The following TYW1 variants were observed in gnomAD, a reference collection of about 807,000 sequenced individuals.
The protein encoded by TYW1 is tRNA-yW synthesizing protein 1 homolog.
A neutral mutation model predicts 96.2 loss-of-function variants in TYW1; 46 were observed. The observed-to-expected ratio is 0.48, with a 90% CI of 0.38 to 0.61. TYW1 has a LOEUF of 0.61. TYW1 is among the 20% of genes least tolerant of loss of function. The probability of loss-of-function intolerance (pLI) is 0.00; values close to 1 mark genes in which losing one functional copy is unlikely to be tolerated. For missense variants in TYW1, 684 were observed against 909.6 expected, an observed-to-expected ratio of 0.75 and a Z score of 3.19; for synonymous variants, 274 against 323.0, an observed-to-expected ratio of 0.85 and a Z score of 1.63.
chr7:67,166,266 C>T (rs567325983), intron 13 of TYW1, among the ~76,000 whole-genome samples: 70 of 141,188 alleles, frequency 5.0e-4, no homozygotes, highest in African/African-American at 1.6e-3. Flanking sequence ...AAAAAACAAA[C>T]GAAAAGACTT....
intron 7 of TYW1, among the ~76,000 whole-genome samples, chr7:67,034,319 T>C (rs1017150040): frequency 6.6e-6 from 1 of 151,930 alleles, no homozygotes. Flanking sequence ...TTGGCTGGGC[T>C]GATGTCCAGT....
Position 67,014,433 on chromosome 7 carries a change from G to T in TYW1, c.442G>T (p.Ala148Ser). 4.3e-6 allele frequency: 7 copies of T among 1,613,940 alleles called. No homozygotes were observed. The highest frequency in any genetic ancestry group is 5.9e-6 in the Non-Finnish European group (7 of 1,179,862). ...CACTGACGGCCTACCAACTGAAAGT[G>T]CAGAGTGGTTCTGCAAATGGTTAGA... ...TYTDGLPTESAEWFCKWLEEA... is the reference protein window; with the variant it reads ...TYTDGLPTESSEWFCKWLEEA... Residue 148 changes from alanine to serine, a missense_variant, in exon 5 of 16, where the codon GCA becomes TCA. Physicochemically the swap from Ala to Ser is moderately conservative, Grantham distance 99. Coordinates refer to ENST00000359626, the MANE Select transcript of TYW1 (RefSeq NM_018264.4).
chr7:67,133,774 TTAA>T (rs1479180628), intron 13 of TYW1, among the ~76,000 whole-genome samples: 1 of 151,146 alleles, frequency 6.6e-6, no homozygotes, highest in African/African-American at 2.4e-5. Flanking sequence ...GGCCATGTCT[TTAA>T]TAGCCTTTCC....
chr7:67,200,460 C>T (rs76186730), intron 15 of TYW1, among the ~76,000 whole-genome samples: 5,987 of 152,072 alleles, frequency 0.039, 173 homozygotes, highest in Middle Eastern at 0.095. Context: ...GAGGGCCAAG[C>T]GAAAGAGGAA....
At position 67,098,687 on chromosome 7, in the gene TYW1, G is replaced by A. The variant is rs769444046; in HGVS notation, c.1531G>A (p.Val511Ile). ...LHQCKISSFL[V>I]TNAQFPAEIR... ...CCAGTGTAAAATTTCCAGCTTCCTG[G>A]TCACAAACGCACAATTTCCTGCGGA... The change falls in exon 12 of 16, where the codon GTC (valine) becomes ATC (isoleucine). Residue 511 changes from valine to isoleucine, a missense_variant. Transcript: ENST00000359626. The A allele has an allele frequency of 1.2e-6, 2 of 1,614,076 alleles. No homozygotes were observed. Among genetic ancestry groups the A allele is most frequent in the Non-Finnish European group, 1.7e-6 (2 of 1,179,952 alleles).
chr7:67,089,407 A>C (rs1371508918), intron 11 of TYW1: 2 of 1,258,204 alleles, frequency 1.6e-6, no homozygotes, highest in Non-Finnish European at 2.3e-6. Context: ...CCTGCTGGTA[A>C]AGGTCGAAGC....
chr7:67,072,963 T>TTG (rs1219374462), intron 10 of TYW1, among the ~76,000 whole-genome samples: 11,122 of 118,444 alleles, frequency 0.094, 1,203 homozygotes, highest in Non-Finnish European at 0.11. Context: ...TTTTTTTTTT[T>TTG]TATAGAGACA....
chr7:67,148,700 G>A (rs1383800908), intron 13 of TYW1, among the ~76,000 whole-genome samples: 6 of 152,034 alleles, frequency 3.9e-5, no homozygotes, highest in Non-Finnish European at 5.9e-5. Flanking sequence ...CAAAATGCTG[G>A]GATTACAGGC....
chr7:67,065,519 A>G (rs983400217), intron 9 of TYW1, among the ~76,000 whole-genome samples: 11 of 152,184 alleles, frequency 7.2e-5, no homozygotes, highest in African/African-American at 2.7e-4. Flanking sequence ...TGCTATTTAC[A>G]AGATTTGAAT....
chr7:67,179,889 G>A (rs1416771597), intron 13 of TYW1, among the ~76,000 whole-genome samples: 2 of 119,706 alleles, frequency 1.7e-5, no homozygotes, highest in South Asian at 5.4e-4. Flanking sequence ...GCGGGGGACA[G>A]GGTCTTGCTG....
At chr7:67,238,162 A>T (rs1801952647) in intron 15 of TYW1, 146 bp from the exon 16 acceptor site, 2 of 1,183,404 alleles carry the variant, frequency 1.7e-6, no homozygotes, top group Non-Finnish European at 2.3e-6. Context: ...TGGAACATGG[A>T]AGAGGTTTTT....
intron 12 of TYW1, among the ~76,000 whole-genome samples, chr7:67,109,696 C>T (rs2115926382): frequency 6.6e-6 from 1 of 152,252 alleles, no homozygotes; most frequent in East Asian, 1.9e-4. Context: ...GCTTGACCTA[C>T]ATAGTGAAAC....
At chr7:67,145,089 A>G (rs576318645) in intron 13 of TYW1, among the ~76,000 whole-genome samples, 4 of 143,960 alleles carry the variant, frequency 2.8e-5, no homozygotes, top group Non-Finnish European at 6.0e-5. Flanking sequence ...AGTCTTTTAC[A>G]TATTTTACAG....
At chr7:67,176,602 T>C (rs1316724001) in intron 13 of TYW1, among the ~76,000 whole-genome samples, 1 of 152,248 alleles carries the variant, frequency 6.6e-6, no homozygotes, top group East Asian at 1.9e-4. Context: ...TGTGAACTTA[T>C]ATTTCTGTTG....
chr7:67,067,360 ACC>A lies in TYW1; in HGVS notation c.1234_1235del (p.Pro412GlufsTer6). The A allele has an allele frequency of 1.2e-6, 2 of 1,613,900 alleles. No individual in the cohort carries two copies. ...GIESHRCMET[T>X]PSLACANKCV... ...TGAGAGCCATCGCTGCATGGAAACC[ACC>A]CCGAGCTTGGCGTGTGCTAATAAAT... On this transcript the variant is annotated frameshift_variant, in exon 10 of 16. Transcript: ENST00000359626. LOFTEE classifies it high-confidence loss of function.
At chr7:67,228,272 C>T (rs192045143) in intron 15 of TYW1, among the ~76,000 whole-genome samples, 10 of 152,178 alleles carry the variant, frequency 6.6e-5, no homozygotes, top group African/African-American at 2.4e-4. Flanking sequence ...ACAATCGTGG[C>T]GGAAGGTGAA....
chr7:67,036,565 G>A (rs1021226681), intron 7 of TYW1, among the ~76,000 whole-genome samples: 8 of 152,190 alleles, frequency 5.3e-5, no homozygotes, highest in African/African-American at 1.9e-4. Context: ...GGTCAGGAGG[G>A]CCCCTTGCTG....
chr7:67,176,656 A>G (rs902833621), intron 13 of TYW1, among the ~76,000 whole-genome samples: 11 of 141,458 alleles, frequency 7.8e-5, no homozygotes, highest in Admixed American at 7.8e-4. Context: ...AGGCAGAATC[A>G]TAAAGGGTTG....
At chr7:67,033,250 T>C (rs1401602761) in intron 7 of TYW1, among the ~76,000 whole-genome samples, 4 of 152,128 alleles carry the variant, frequency 2.6e-5, no homozygotes, top group Non-Finnish European at 5.9e-5. Flanking sequence ...TCCCTCTGGC[T>C]TCTCTTTTGA....
Sources: gnomAD v4.1 joint callset for allele counts (sites outside exome capture counted in the v4.1 genomes callset) on GRCh38, gnomAD v4.1.1 for gene constraint, MANE v1.5 for transcripts, NCBI Gene and HGNC (gene_info 2026-07-23, HGNC 2026-07-21) for gene names.